The following RSPRY1 variants were observed in gnomAD, a reference collection of about 807,000 sequenced individuals.
RSPRY1 encodes the protein RING finger and SPRY domain-containing protein 1.
Under a neutral mutation model 73.1 loss-of-function variants are expected in RSPRY1, and 23 were observed. The observed-to-expected ratio is 0.31, with a 90% CI of 0.23 to 0.45. RSPRY1 has a LOEUF of 0.45. RSPRY1 is among the 20% of genes least tolerant of loss of function. RSPRY1 has a pLI of 1.00. For synonymous variants in RSPRY1, 226 were observed against 251.4 expected (o/e 0.90, Z 0.95); for missense variants, 448 against 698.7 (o/e 0.64, Z 4.05).
At chr16:57,212,617 C>T (rs2074864361) in intron 4 of RSPRY1, among the ~76,000 whole-genome samples, 1 of 152,030 alleles carries the variant, frequency 6.6e-6, no homozygotes, top group Non-Finnish European at 1.5e-5. Flanking sequence ...CTGGTTATAG[C>T]TCCCCCCACC....
intron 1 of RSPRY1, among the ~76,000 whole-genome samples, chr16:57,187,783 T>C (rs1316879635): frequency 6.6e-6 from 1 of 152,112 alleles, no homozygotes; most frequent in Non-Finnish European, 1.5e-5. Context: ...CATATTAAGA[T>C]CTAAACCCAT....
intron 10 of RSPRY1, among the ~76,000 whole-genome samples, chr16:57,224,013 G>A (rs951018476): frequency 2.6e-5 from 4 of 152,196 alleles, no homozygotes; most frequent in Non-Finnish European, 4.4e-5. Context: ...CCCTGTTGAA[G>A]CATCTGCCTT....
chr16:57,218,733 T>G (rs1413519453), intron 8 of RSPRY1, among the ~76,000 whole-genome samples: 1 of 100,938 alleles, frequency 9.9e-6, no homozygotes, highest in African/African-American at 4.2e-5. Context: ...TTTTTTTTTT[T>G]TTTTTTTTTT....
intron 12 of RSPRY1, 146 bp from the exon 13 acceptor site, chr16:57,231,021 T>C: frequency 1.3e-6 from 1 of 786,314 alleles, no homozygotes; most frequent in Non-Finnish European, 2.0e-6. Flanking sequence ...GTCACAGACC[T>C]GTGTGGGTTA....
rs1450470898 is a variant in RSPRY1, at chr16:57,240,069, T to C, written c.*1094T>C. 3 of 152,172 alleles carry C rather than the reference T, an allele frequency of 2.0e-5. No individual in the cohort carries two copies. The highest frequency in any genetic ancestry group is 2.0e-4 in the Admixed American group (3 of 15,272). 9.4% of individuals were successfully genotyped at this position (152,172 alleles called of 1,614,324 possible). ...TCTCCCAGGAAATTGGAAGGTAGAA[T>C]TGTAAATTCATAGAACTTCTTTTAT... On this transcript the variant is annotated 3_prime_UTR_variant, in exon 15 of 15. Coordinates refer to ENST00000394420, the MANE Select transcript of RSPRY1 (RefSeq NM_133368.3).
In RSPRY1 at chr16:57,204,446, G is replaced by C. The variant is rs2074685482; in HGVS notation, c.-155-58G>C. ...CTATAAAATCAGACTAGGAAAATTT[G>C]AGTAATTAAGTGGTCAAGAATCTTT... is the stretch of plus-strand genomic sequence containing the variant. On this transcript the variant is annotated intron_variant, in intron 1 of 14. Transcript: ENST00000394420. 3 of 509,832 alleles carry C rather than the reference G, an allele frequency of 5.9e-6. No individual in the cohort carries two copies. In the Admixed American group the frequency reaches 9.8e-5, roughly 17 times the overall value. The allele number at this position is 509,832 out of a possible 1,614,324, so 31.6% of individuals were successfully genotyped here.
intron 10 of RSPRY1, among the ~76,000 whole-genome samples, chr16:57,226,653 C>T (rs905684993): frequency 2.0e-5 from 3 of 152,182 alleles, no homozygotes; most frequent in African/African-American, 7.2e-5. Context: ...GTGAAGATGA[C>T]CAGAGGTCAC....
chr16:57,211,351 C>G (rs1436165357), intron 4 of RSPRY1, among the ~76,000 whole-genome samples: 1 of 151,796 alleles, frequency 6.6e-6, no homozygotes, highest in African/African-American at 2.4e-5. Context: ...AGACAGATCA[C>G]TTGAGGTCAG....
At chr16:57,202,878 T>TTTTATATATATATATATATATATATA (rs1237175240) in intron 1 of RSPRY1, among the ~76,000 whole-genome samples, 6 of 131,638 alleles carry the variant, frequency 4.6e-5, no homozygotes, top group African/African-American at 1.6e-4. Flanking sequence ...TTACATATGA[T>TTTTATATATATATATATATATATATA]TATATATATA....
At chr16:57,207,834 C>A in intron 2 of RSPRY1, 1 of 550,260 alleles carries the variant, frequency 1.8e-6, no homozygotes, top group East Asian at 3.5e-5. Context: ...TATCCACCTG[C>A]CCATTTTGTC....
chr16:57,192,528 T>C (rs1450356884), intron 1 of RSPRY1, among the ~76,000 whole-genome samples: 1 of 152,174 alleles, frequency 6.6e-6, no homozygotes, highest in Non-Finnish European at 1.5e-5. Context: ...AATTCCTTAC[T>C]CTATCCTAGG....
intron 10 of RSPRY1, among the ~76,000 whole-genome samples, chr16:57,227,032 C>A (rs1254072335): frequency 6.6e-6 from 1 of 152,078 alleles, no homozygotes; most frequent in Non-Finnish European, 1.5e-5. Flanking sequence ...GCCTTTGTTT[C>A]CTCTTAAAAT....
chr16:57,229,394 C>T (rs1942551504), intron 11 of RSPRY1, among the ~76,000 whole-genome samples: 1 of 152,052 alleles, frequency 6.6e-6, no homozygotes, highest in Non-Finnish European at 1.5e-5. Context: ...TTGAGAGGAT[C>T]ACTTGGGGCC....
chr16:57,216,049 G>A, intron 6 of RSPRY1, 58 bp from the exon 7 acceptor site: 1 of 1,325,790 alleles, frequency 7.5e-7, no homozygotes, highest in Non-Finnish European at 1.1e-6. Context: ...CTGATAACTT[G>A]CCACCTCTGC....
chr16:57,196,244 C>G (rs1305188512), intron 1 of RSPRY1, among the ~76,000 whole-genome samples: 1 of 152,048 alleles, frequency 6.6e-6, no homozygotes, highest in Admixed American at 6.5e-5. Flanking sequence ...GTACATGTCA[C>G]TTATGGATAT....
chr16:57,235,918 C>G lies in RSPRY1; in HGVS notation c.1634+690C>G, dbSNP rs376907149. On this transcript the variant is annotated intron_variant, in intron 14 of 14. Coordinates refer to ENST00000394420, the MANE Select transcript of RSPRY1 (RefSeq NM_133368.3). ...TTTGTCATCCCCAGGAATGACTCAG[C>G]CTGGGCCCCTGACTCTGCCTCTCTA... Among the ~76,000 whole-genome samples, 8 of 152,202 alleles carry G rather than the reference C, an allele frequency of 5.3e-5. No individual in the cohort carries two copies. In the East Asian group the frequency reaches 9.6e-4, roughly 18 times the overall value.
chr16:57,202,243 C>T lies in RSPRY1; in HGVS notation c.-155-2261C>T, dbSNP rs144169830. ...TGCAATTGTTACGGGGGGTGGGTGG[C>T]GGGGGTCCTTGTTCTTAGAACTCCC... On this transcript the variant is annotated intron_variant, in intron 1 of 14. Transcript: ENST00000394420. Among the ~76,000 whole-genome samples, 391 of 138,198 alleles carry T rather than the reference C, an allele frequency of 2.8e-3. 2 individuals are homozygous for T. The highest frequency in any genetic ancestry group is 9.8e-3 in the African/African-American group (360 of 36,920). 90.7% of individuals were successfully genotyped at this position (138,198 alleles called of 152,430 possible). A position where few individuals can be genotyped will look rare whatever the true frequency, so the allele number is the denominator to read the frequency against.
chr16:57,213,760 C>T (rs1408851011), intron 5 of RSPRY1, 128 bp from the exon 6 acceptor site: 2 of 737,322 alleles, frequency 2.7e-6, no homozygotes, highest in Non-Finnish European at 4.7e-6. Context: ...CTATTTTCTA[C>T]CTCAGAGCAG....
intron 1 of RSPRY1, among the ~76,000 whole-genome samples, chr16:57,204,279 A>C (rs1277756550): frequency 6.6e-6 from 1 of 152,230 alleles, no homozygotes; most frequent in East Asian, 1.9e-4. Flanking sequence ...GTCTATAAGA[A>C]TATGGTTTGG....
Sources: allele counts gnomAD v4.1 joint callset (sites outside exome capture counted in the v4.1 genomes callset), GRCh38; gene constraint gnomAD v4.1.1; transcripts MANE v1.5; gene names NCBI Gene and HGNC (gene_info 2026-07-23, HGNC 2026-07-21).